The following AFG1L variants were observed in gnomAD, a reference collection of about 807,000 sequenced individuals.
The protein encoded by AFG1L is AFG1-like ATPase.
AFG1L carries 53 observed loss-of-function variants against 62.2 expected under a neutral mutation model. That is an observed-to-expected ratio of 0.85 (90% CI 0.68 to 1.07). The LOEUF (loss-of-function observed/expected upper bound fraction) is 1.07, where lower values mean the gene tolerates loss of function less well. AFG1L is among the 50% of genes least tolerant of loss of function. The pLI is 0.00. For missense variants in AFG1L, 555 were observed against 590.5 expected, an observed-to-expected ratio of 0.94 and a Z score of 0.62; for synonymous variants, 228 against 210.3, an observed-to-expected ratio of 1.08 and a Z score of -0.73.
At chr6:108,352,380 A>G (rs1269322150) in intron 3 of AFG1L, among the ~76,000 whole-genome samples, 1 of 152,168 alleles carries the variant, frequency 6.6e-6, no homozygotes, top group Non-Finnish European at 1.5e-5. Context: ...GATTGGTTTC[A>G]GGATGCCCTT....
chr6:108,435,353 G>A (rs1469479766), intron 7 of AFG1L, among the ~76,000 whole-genome samples: 1 of 152,184 alleles, frequency 6.6e-6, no homozygotes, highest in East Asian at 1.9e-4. Flanking sequence ...GAATGGCTCT[G>A]TGAGGCTCAA....
chr6:108,381,598 G>A (rs1356147576), intron 6 of AFG1L, among the ~76,000 whole-genome samples: 1 of 152,028 alleles, frequency 6.6e-6, no homozygotes, highest in Non-Finnish European at 1.5e-5. Flanking sequence ...AAATTATAGT[G>A]TCAAGTCATC....
chr6:108,430,747 C>T (rs1407639343), intron 7 of AFG1L, among the ~76,000 whole-genome samples: 4 of 152,146 alleles, frequency 2.6e-5, no homozygotes, highest in Non-Finnish European at 2.9e-5. Flanking sequence ...TGTGACTAAA[C>T]ATTTATTCTC....
intron 6 of AFG1L, among the ~76,000 whole-genome samples, chr6:108,370,355 T>C (rs1194868082): frequency 6.6e-6 from 1 of 152,074 alleles, no homozygotes; most frequent in East Asian, 1.9e-4. Context: ...TGTAGCACAC[T>C]AGACAAGAAA....
At chr6:108,409,667 C>G (rs941621727) in intron 7 of AFG1L, among the ~76,000 whole-genome samples, 39 of 151,976 alleles carry the variant, frequency 2.6e-4, no homozygotes, top group Non-Finnish European at 1.9e-4. Context: ...CAGAGCAGCT[C>G]TCAAATAAAC....
intron 6 of AFG1L, 80 bp from the exon 7 acceptor site, chr6:108,401,916 G>C (rs1431689763): frequency 6.1e-6 from 4 of 657,862 alleles, no homozygotes; most frequent in African/African-American, 1.9e-5. Context: ...TCAGTAGAAA[G>C]CTTTATTTGC....
chr6:108,352,766 A>G (rs534888922), intron 3 of AFG1L, among the ~76,000 whole-genome samples: 2 of 152,070 alleles, frequency 1.3e-5, no homozygotes, highest in South Asian at 2.1e-4. Context: ...GGATTTTGCC[A>G]TATCACCCGG....
In AFG1L at chr6:108,355,135, C is replaced by G. The variant is rs558221803; in HGVS notation, c.416-519C>G. On this transcript the variant is annotated intron_variant, in intron 3 of 12. Transcript: ENST00000368977. The stretch of plus-strand genomic sequence containing the variant: ...TTTTTTTTTGTTTTGAGATGGGGGT[C>G]TCGCTATGTTTCCCAGGCTGGTCTT... Among the ~76,000 whole-genome samples, 8 of 142,410 alleles carry G rather than the reference C, an allele frequency of 5.6e-5. No individual in the cohort carries two copies. In the East Asian group the frequency reaches 1.2e-3, roughly 22 times the overall value. 93.4% of individuals were successfully genotyped at this position (142,410 alleles called of 152,430 possible).
chr6:108,311,727 A>T (rs2076813510), intron 1 of AFG1L, among the ~76,000 whole-genome samples: 1 of 152,188 alleles, frequency 6.6e-6, no homozygotes, highest in Non-Finnish European at 1.5e-5. Flanking sequence ...TGCAGTTTCT[A>T]GCACAGAGCT....
intron 6 of AFG1L, chr6:108,392,153 T>A (rs1781082729): frequency 6.6e-6 from 1 of 152,314 alleles, no homozygotes; most frequent in Non-Finnish European, 1.5e-5. Flanking sequence ...GGATAAGTTT[T>A]ATTTAAAAGA....
chr6:108,301,170 C>A (rs554287397), intron 1 of AFG1L, among the ~76,000 whole-genome samples: 1 of 152,140 alleles, frequency 6.6e-6, no homozygotes, highest in Admixed American at 6.5e-5. Context: ...TCACTCTCAT[C>A]GCCATCTTGG....
chr6:108,463,592 G>A (rs1772550871), intron 8 of AFG1L, among the ~76,000 whole-genome samples: 1 of 151,994 alleles, frequency 6.6e-6, no homozygotes, highest in Admixed American at 6.6e-5. Context: ...GAGAAGAGGA[G>A]GTGAAGGTCT....
chr6:108,297,886 G>T (rs566444545), intron 1 of AFG1L, among the ~76,000 whole-genome samples: 2 of 148,026 alleles, frequency 1.4e-5, no homozygotes, highest in African/African-American at 2.5e-5. Context: ...AAAAGGAAAA[G>T]TGAATGAACC....
intron 6 of AFG1L, among the ~76,000 whole-genome samples, chr6:108,380,235 A>C (rs1002796812): frequency 1.3e-5 from 2 of 151,972 alleles, no homozygotes; most frequent in African/African-American, 4.8e-5. Flanking sequence ...AGATCTGCCT[A>C]GGTGTGAAGC....
intron 6 of AFG1L, among the ~76,000 whole-genome samples, chr6:108,377,605 C>T (rs893332308): frequency 1.3e-5 from 2 of 152,180 alleles, no homozygotes; most frequent in Non-Finnish European, 2.9e-5. Context: ...TTTCTGCTGA[C>T]AGGTCCACTG....
chr6:108,517,364 G>A (rs1195109229), intron 11 of AFG1L, among the ~76,000 whole-genome samples: 1 of 152,078 alleles, frequency 6.6e-6, no homozygotes, highest in Admixed American at 6.6e-5. Context: ...CTACAACTAT[G>A]TGATCTTTGA....
intron 8 of AFG1L, among the ~76,000 whole-genome samples, chr6:108,473,305 G>GA (rs1772977212): frequency 6.6e-6 from 1 of 152,134 alleles, no homozygotes; most frequent in Non-Finnish European, 1.5e-5. Flanking sequence ...TGATAATATA[G>GA]TATATACGAG....
intron 1 of AFG1L, among the ~76,000 whole-genome samples, chr6:108,305,712 C>T (rs1040794705): frequency 1.3e-5 from 2 of 152,090 alleles, no homozygotes; most frequent in Admixed American, 6.6e-5. Context: ...GGATTACAGT[C>T]GTGAGCTACC....
intron 2 of AFG1L, among the ~76,000 whole-genome samples, chr6:108,341,481 T>A (rs1201822971): frequency 6.6e-6 from 1 of 152,170 alleles, no homozygotes; most frequent in East Asian, 1.9e-4. Flanking sequence ...TGATTACACA[T>A]GCAAAGGTGA....
Sources: gnomAD v4.1 joint callset for allele counts (sites outside exome capture counted in the v4.1 genomes callset) on GRCh38, gnomAD v4.1.1 for gene constraint, MANE v1.5 for transcripts, NCBI Gene and HGNC (gene_info 2026-07-23, HGNC 2026-07-21) for gene names.